The following LRP1B variants were observed in gnomAD, a reference collection of about 807,000 sequenced individuals.
The protein encoded by LRP1B is LDL receptor related protein 1B, also known as low-density lipoprotein receptor-related protein 1B.
In LRP1B, 217 loss-of-function variants were observed where a neutral mutation model predicts 556.6. That is an observed-to-expected ratio of 0.39 (90% CI 0.35 to 0.44). The LOEUF is 0.44. Ranked by LOEUF, LRP1B falls within the 20% of genes least tolerant of loss-of-function variation. The pLI is 1.00. For missense variants in LRP1B, 5,053 were observed against 5,620.8 expected, an observed-to-expected ratio of 0.90 and a Z score of 3.23; for synonymous variants, 2,047 against 1,865.8, an observed-to-expected ratio of 1.10 and a Z score of -2.50.
At chr2:141,813,020 C>T (rs967382756) in intron 1 of LRP1B, among the ~76,000 whole-genome samples, 8 of 151,916 alleles carry the variant, frequency 5.3e-5, no homozygotes, top group African/African-American at 1.7e-4. Context: ...AAATAACAGA[C>T]GAATAAATAG....
At chr2:141,127,787 G>A (rs764380864) in intron 7 of LRP1B, among the ~76,000 whole-genome samples, 10 of 151,720 alleles carry the variant, frequency 6.6e-5, no homozygotes, top group Non-Finnish European at 8.8e-5. Flanking sequence ...AAAAAATCAC[G>A]CTAAGAGTCT....
intron 35 of LRP1B, among the ~76,000 whole-genome samples, chr2:140,732,918 G>T (rs1687825678): frequency 6.6e-6 from 1 of 152,074 alleles, no homozygotes; most frequent in Non-Finnish European, 1.5e-5. Context: ...GGTAGATCAA[G>T]GACAAAGACT....
chr2:141,547,344 A>C lies in LRP1B; in HGVS notation c.206-66811T>G, dbSNP rs367941468. On this transcript the variant is annotated intron_variant, in intron 2 of 90. Transcript: ENST00000389484. ...TGCTTCTATTTTTAAAAGCTCTTGC[A>C]GCAGCCTGATAATTGGCCTCCCAAT... Among the ~76,000 whole-genome samples the C allele has an allele frequency of 1.6e-4, 24 of 152,292 alleles. No homozygotes were observed. The East Asian group carries it at 2.7e-3, about 17-fold the overall frequency.
intron 77 of LRP1B, among the ~76,000 whole-genome samples, chr2:140,348,011 T>G (rs1272863404): frequency 1.3e-5 from 2 of 151,986 alleles, no homozygotes; most frequent in African/African-American, 2.4e-5. Flanking sequence ...ATAAGACAGA[T>G]TTCAGAGGAA....
At position 141,574,394 on chromosome 2, in the gene LRP1B, TC is replaced by T. The variant is rs1388630877; in HGVS notation, c.206-93862del. ...AAAAGGCCTTTGATAAAATCCAACA[TC>T]CCTTCATGTTAAAAACTCTTAATAA... On this transcript the variant is annotated intron_variant, in intron 2 of 90. Transcript: ENST00000389484. 2.4e-4 allele frequency among the ~76,000 whole-genome samples: 36 copies of T among 152,142 alleles called. No homozygotes were observed. In the South Asian group the frequency reaches 4.6e-3, roughly 19 times the overall value.
At chr2:141,066,950 T>G (rs185921616) in intron 7 of LRP1B, among the ~76,000 whole-genome samples, 3 of 152,106 alleles carry the variant, frequency 2.0e-5, no homozygotes, top group African/African-American at 4.8e-5. Context: ...AAACCCTCCA[T>G]GTTTATTAAT....
At chr2:141,049,804 A>T (rs918381244) in intron 10 of LRP1B, among the ~76,000 whole-genome samples, 2 of 152,056 alleles carry the variant, frequency 1.3e-5, no homozygotes, top group East Asian at 3.9e-4. Context: ...CTTTATCTTC[A>T]AATTTTAATT....
At chr2:141,272,196 A>G (rs950354681) in intron 3 of LRP1B, among the ~76,000 whole-genome samples, 1 of 152,140 alleles carries the variant, frequency 6.6e-6, no homozygotes, top group Non-Finnish European at 1.5e-5. Flanking sequence ...AAGAAGAGAG[A>G]ATAGAGTTAT....
intron 3 of LRP1B, among the ~76,000 whole-genome samples, chr2:141,424,351 G>T (rs1261000738): frequency 1.3e-5 from 2 of 152,012 alleles, no homozygotes; most frequent in Admixed American, 6.6e-5. Flanking sequence ...GACCTCAGGT[G>T]ATCCACTGCC....
At chr2:140,239,060 G>A (rs1166794305) in intron 88 of LRP1B, among the ~76,000 whole-genome samples, 1 of 150,758 alleles carries the variant, frequency 6.6e-6, no homozygotes, top group Admixed American at 6.6e-5. Context: ...GTACAAATTG[G>A]AGATGTATAT....
chr2:140,598,486 G>A (rs1029901139), intron 43 of LRP1B, 145 bp downstream of exon 43: 6 of 641,442 alleles, frequency 9.4e-6, no homozygotes, highest in Admixed American at 5.8e-5. Context: ...TTATGTGTGT[G>A]ATAGATTAGT....
At chr2:141,185,996 T>C (rs758898352) in intron 7 of LRP1B, among the ~76,000 whole-genome samples, 1 of 137,766 alleles carries the variant, frequency 7.3e-6, no homozygotes. Context: ...GGAGAATCGC[T>C]TGAACCCTGG....
chr2:141,878,547 C>A (rs1176648548), intron 1 of LRP1B, among the ~76,000 whole-genome samples: 1 of 149,654 alleles, frequency 6.7e-6, no homozygotes, highest in East Asian at 1.9e-4. Context: ...GGAAGAAAGA[C>A]AGAAAAGAGT....
intron 7 of LRP1B, among the ~76,000 whole-genome samples, chr2:141,067,282 G>T (rs575839152): frequency 1.3e-5 from 2 of 152,048 alleles, no homozygotes; most frequent in East Asian, 3.9e-4. Flanking sequence ...GAAATAAAAG[G>T]TTTAAATTCA....
intron 5 of LRP1B, 25 bp downstream of exon 5, chr2:141,247,201 C>CA (rs763093344): frequency 1.2e-5 from 19 of 1,612,548 alleles, no homozygotes; most frequent in Middle Eastern, 1.6e-4. Context: ...TCTGGAAAGA[C>CA]AAAAAATAAA....
intron 25 of LRP1B, among the ~76,000 whole-genome samples, chr2:140,879,418 A>G (rs568847753): frequency 8.3e-4 from 127 of 152,260 alleles, no homozygotes; most frequent in African/African-American, 3.0e-3. Context: ...GTGTTAGTAT[A>G]CTTCTATGGT....
chr2:140,714,249 G>A (rs574594825), intron 37 of LRP1B, among the ~76,000 whole-genome samples: 1 of 152,200 alleles, frequency 6.6e-6, no homozygotes, highest in Non-Finnish European at 1.5e-5. Context: ...GACATGGAGG[G>A]ATGCTGACAT....
chr2:141,188,051 A>T (rs1681336277), intron 7 of LRP1B, among the ~76,000 whole-genome samples: 1 of 152,050 alleles, frequency 6.6e-6, no homozygotes, highest in Non-Finnish European at 1.5e-5. Flanking sequence ...ACATCCTTCA[A>T]GTAGCATTCT....
chr2:141,865,588 T>A (rs1574443248), intron 1 of LRP1B, among the ~76,000 whole-genome samples: 2 of 90,306 alleles, frequency 2.2e-5, no homozygotes, highest in African/African-American at 4.8e-5. Flanking sequence ...CGAGACTCCG[T>A]CTCAAAAAAA....
Sources: gnomAD v4.1 joint callset for allele counts (sites outside exome capture counted in the v4.1 genomes callset) on GRCh38, gnomAD v4.1.1 for gene constraint, MANE v1.5 for transcripts, NCBI Gene and HGNC (gene_info 2026-07-23, HGNC 2026-07-21) for gene names.